IQCH: variants seen among roughly 807,000 people sequenced by gnomAD.
IQCH encodes the protein IQ domain-containing protein H.
Under a neutral mutation model 117.0 loss-of-function variants are expected in IQCH, and 98 were observed. That is an observed-to-expected ratio of 0.84 (90% CI 0.71 to 0.99). The LOEUF (loss-of-function observed/expected upper bound fraction) is 0.99. Among genes scored for constraint, IQCH ranks in the 50% least tolerant of loss-of-function variants. The pLI is 0.00. For missense variants in IQCH, 1,102 were observed against 1,243.8 expected (o/e 0.89, Z 1.72); for synonymous variants, 412 against 448.2 (o/e 0.92, Z 1.02).
At chr15:67,439,329 G>A (rs1038395161) in intron 16 of IQCH, among the ~76,000 whole-genome samples, 5 of 152,070 alleles carry the variant, frequency 3.3e-5, no homozygotes, top group African/African-American at 1.2e-4. Flanking sequence ...ACAAAATCAA[G>A]ATGGAAATCA....
Position 67,372,382 on chromosome 15 carries a change from T to G in IQCH, c.1025T>G (p.Leu342Arg). 1 of 1,614,146 alleles carries G rather than the reference T, an allele frequency of 6.2e-7. No individual in the cohort carries two copies. Among genetic ancestry groups the G allele is most frequent in the Non-Finnish European group, 8.5e-7 (1 of 1,180,016 alleles). The change falls in exon 9 of 21, where the codon CTT becomes CGT. Residue 342 changes from leucine (L) to arginine (R), a missense_variant. Physicochemically the swap from Leu to Arg is moderately radical, Grantham distance 102. Transcript: ENST00000335894. ...ACGAATAAACTTACCAGATATGACC[T>G]TCTCTCAGTGTTAGAGGACCCAGCT... ...ELTNKLTRYD[L>R]LSVLEDPAHV... is the part of the protein sequence containing the mutation.
chr15:67,378,908 C>T (rs894554315), intron 10 of IQCH, among the ~76,000 whole-genome samples: 1 of 151,936 alleles, frequency 6.6e-6, no homozygotes, highest in Non-Finnish European at 1.5e-5. Context: ...TATTGAAGAC[C>T]GTAAAGAACA....
rs557301803 is a variant in IQCH, at chr15:67,418,230, TGA to T, written c.2218+1183_2218+1184del. 7.2e-5 allele frequency among the ~76,000 whole-genome samples: 11 copies of T among 152,242 alleles called. No homozygotes were observed. The East Asian group carries it at 2.1e-3, about 29-fold the overall frequency. On this transcript the variant is annotated intron_variant, in intron 15 of 20. Coordinates refer to ENST00000335894, the MANE Select transcript of IQCH (RefSeq NM_001031715.3). ...TCAGGGCTTATTGTAGCTCAATGTA[TGA>T]GAGTGTATGAAAGGACAGATCTGTT...
At chr15:67,312,733 C>T (rs1755841308) in intron 4 of IQCH, among the ~76,000 whole-genome samples, 1 of 152,106 alleles carries the variant, frequency 6.6e-6, no homozygotes, top group African/African-American at 2.4e-5. Flanking sequence ...TAAAATGAAG[C>T]AAAGGAAAAA....
rs535559778 is a variant in IQCH at position 67,363,898 on chromosome 15, A to T, written c.753+4013A>T. Among the ~76,000 whole-genome samples, 6 of 152,240 alleles carry T rather than the reference A, an allele frequency of 3.9e-5. No homozygotes were observed. The East Asian group carries it at 1.2e-3, about 29-fold the overall frequency. On this transcript the variant is annotated intron_variant, in intron 8 of 20. Coordinates refer to ENST00000335894, the MANE Select transcript of IQCH (RefSeq NM_001031715.3). ...AAATAACATGACCTCTTTCTTTTCC[A>T]TGGCTGCATAGTATTCCATGGTATA...
In IQCH at chr15:67,373,410, C is replaced by G; in HGVS notation, c.1349C>G (p.Thr450Ser). Residue 450 changes from threonine (T) to serine (S), a missense_variant, in exon 10 of 21, where the codon ACT becomes AGT. Physicochemically the swap from Thr to Ser is moderately conservative, Grantham distance 58. Transcript: ENST00000335894. ...AATCGCATCAGGACCTCCAGGAGGA[C>G]TATTATCCATATCCCATCATTAGGT... ...NWNRIRTSRR[T>S]IIHIPSLGYS... 6.2e-7 allele frequency: 1 copy of G among 1,611,708 alleles called. No homozygotes were observed. Among genetic ancestry groups the G allele is most frequent in the Non-Finnish European group, 8.5e-7 (1 of 1,178,018 alleles).
intron 4 of IQCH, among the ~76,000 whole-genome samples, chr15:67,281,271 A>G (rs1966345364): frequency 6.6e-6 from 1 of 152,042 alleles, no homozygotes. Flanking sequence ...GACCTCCTAA[A>G]AGTTTGCTCA....
At chr15:67,375,990 T>G (rs540138596) in intron 10 of IQCH, among the ~76,000 whole-genome samples, 71 of 152,242 alleles carry the variant, frequency 4.7e-4, no homozygotes, top group African/African-American at 1.6e-3. Flanking sequence ...TTTCACCATG[T>G]TGGCCAGGCT....
At chr15:67,373,751 T>C in intron 10 of IQCH, 1 of 433,160 alleles carries the variant, frequency 2.3e-6, no homozygotes, top group Non-Finnish European at 4.2e-6. Flanking sequence ...TCGATCTTCT[T>C]TAATGATAGA....
chr15:67,386,113 T>C lies in IQCH; in HGVS notation c.1456+1094T>C, dbSNP rs1212129673. ...AAATTTTTAATGACTTAAGATTGATTTGTTAGTGCTAAGCTATTTCAACTA... is the reference window on the plus strand; with the variant it reads ...AAATTTTTAATGACTTAAGATTGATCTGTTAGTGCTAAGCTATTTCAACTA... On this transcript the variant is annotated intron_variant, in intron 11 of 20. Transcript: ENST00000335894. The surrounding 1 kb of genome is among the most constrained non-coding windows in gnomAD (Gnocchi z 5.0). Among the ~76,000 whole-genome samples, 4 of 152,200 alleles carry C rather than the reference T, an allele frequency of 2.6e-5. No homozygotes were observed. The highest frequency in any genetic ancestry group is 9.6e-5 in the African/African-American group (4 of 41,468).
intron 1 of IQCH, among the ~76,000 whole-genome samples, chr15:67,259,507 T>A (rs1175936721): frequency 1.3e-5 from 2 of 152,240 alleles, no homozygotes; most frequent in Non-Finnish European, 2.9e-5. Context: ...TTTATTGAGT[T>A]CTTGCTATGT....
intron 10 of IQCH, among the ~76,000 whole-genome samples, chr15:67,377,800 A>T (rs573455264): frequency 6.6e-6 from 1 of 151,740 alleles, no homozygotes; most frequent in Admixed American, 6.6e-5. Flanking sequence ...TCTTTTCTCC[A>T]TGTAATCTTT....
chr15:67,378,716 A>G (rs1319838281), intron 10 of IQCH, among the ~76,000 whole-genome samples: 1 of 152,114 alleles, frequency 6.6e-6, no homozygotes, highest in Non-Finnish European at 1.5e-5. Flanking sequence ...CATGAAATAC[A>G]GAAACAGCAT....
At chr15:67,326,291 A>G (rs1455160809) in intron 4 of IQCH, among the ~76,000 whole-genome samples, 2 of 152,228 alleles carry the variant, frequency 1.3e-5, no homozygotes, top group African/African-American at 4.8e-5. Context: ...TACAAAGGAC[A>G]TGAGCTCATC....
chr15:67,373,483 C>T (rs761638092), intron 10 of IQCH, 50 bp downstream of exon 10: 2 of 1,173,464 alleles, frequency 1.7e-6, no homozygotes, highest in South Asian at 1.2e-5. Context: ...TTACCCACCA[C>T]ATTATGGCTC....
At chr15:67,268,026 G>A (rs961170738) in intron 3 of IQCH, among the ~76,000 whole-genome samples, 8 of 152,278 alleles carry the variant, frequency 5.3e-5, no homozygotes, top group African/African-American at 1.9e-4. Context: ...GAGGCTCAGA[G>A]AGGTTATGTA....
intron 4 of IQCH, among the ~76,000 whole-genome samples, chr15:67,301,874 G>A (rs761268575): frequency 1.4e-4 from 22 of 152,094 alleles, no homozygotes; most frequent in Non-Finnish European, 2.1e-4. Flanking sequence ...AACCTCAAAT[G>A]ATTGCTTTCG....
chr15:67,335,978 C>T lies in IQCH; in HGVS notation c.388-997C>T, dbSNP rs138964614. On this transcript the variant is annotated intron_variant, in intron 4 of 20. Coordinates refer to ENST00000335894, the MANE Select transcript of IQCH (RefSeq NM_001031715.3). The stretch of plus-strand genomic sequence containing the variant: ...TGATGAAGCTTTCCCTTTCTTTTTC[C>T]TTAAAGTCACTATGACCTTAATGGC... 3.3e-5 allele frequency among the ~76,000 whole-genome samples: 5 copies of T among 152,012 alleles called. No individual in the cohort carries two copies. The East Asian group carries it at 7.7e-4, about 23-fold the overall frequency.
In IQCH at chr15:67,417,388, G is replaced by C. The variant is rs1183412574; in HGVS notation, c.2218+337G>C. ...TGAGCAAGGTTCTTAAACCCACCAAGGCTCGTTTCCTCACTTACCTACCTT... is the reference window on the plus strand; with the variant it reads ...TGAGCAAGGTTCTTAAACCCACCAACGCTCGTTTCCTCACTTACCTACCTT... On this transcript the variant is annotated intron_variant, in intron 15 of 20. Transcript: ENST00000335894. This position sits in a 1 kb window ranked among gnomAD's most constrained non-coding sequence, Gnocchi z 4.3. 1.3e-5 allele frequency among the ~76,000 whole-genome samples: 2 copies of C among 152,108 alleles called. No homozygotes were observed. Among genetic ancestry groups the C allele is most frequent in the Non-Finnish European group, 2.9e-5 (2 of 68,036 alleles).
Sources: allele counts gnomAD v4.1 joint callset (sites outside exome capture counted in the v4.1 genomes callset), GRCh38; gene constraint gnomAD v4.1.1; non-coding constraint Gnocchi (gnomAD v3.1); transcripts MANE v1.5; gene names NCBI Gene and HGNC (gene_info 2026-07-23, HGNC 2026-07-21).